Variants in ATP10A observed in about 807,000 individuals in gnomAD.
The protein encoded by ATP10A is ATPase phospholipid transporting 10A (putative), also known as phospholipid-transporting ATPase VA.
ATP10A carries 111 observed loss-of-function variants against 147.8 expected under a neutral mutation model. The ratio of observed to expected loss-of-function variants is 0.75; its 90% CI spans 0.64 to 0.88. The LOEUF is 0.88. Among genes scored for constraint, ATP10A ranks in the 40% least tolerant of loss-of-function variants. The pLI, the probability that ATP10A is intolerant of heterozygous loss-of-function variation, is 0.00. For missense variants in ATP10A, 1,927 were observed against 1,959.0 expected, an observed-to-expected ratio of 0.98 and a Z score of 0.31; for synonymous variants, 875 against 841.6, an observed-to-expected ratio of 1.04 and a Z score of -0.69.
chr15:25,702,798 G>A (rs1900747877), intron 12 of ATP10A, among the ~76,000 whole-genome samples: 1 of 150,710 alleles, frequency 6.6e-6, no homozygotes, highest in African/African-American at 2.4e-5. Flanking sequence ...TGGTGAGATG[G>A]TTTCTGTCTT....
intron 13 of ATP10A, among the ~76,000 whole-genome samples, chr15:25,696,126 G>A (rs191618384): frequency 6.6e-4 from 101 of 152,320 alleles, no homozygotes; most frequent in African/African-American, 2.3e-3. Context: ...TCCGCAGACC[G>A]TGAGTCTGCT....
At chr15:25,736,005 T>A (rs1290481995) in intron 3 of ATP10A, 51 bp downstream of exon 3, 2 of 1,409,314 alleles carry the variant, frequency 1.4e-6, no homozygotes, top group South Asian at 1.2e-5. Flanking sequence ...AACACCTGCC[T>A]ATGTAGTTAT....
chr15:25,854,606 A>G (rs989787259), intron 1 of ATP10A, among the ~76,000 whole-genome samples: 1 of 152,260 alleles, frequency 6.6e-6, no homozygotes, highest in African/African-American at 2.4e-5. Flanking sequence ...AAGAAATAGT[A>G]AATCTGAAAG....
At chr15:25,833,762 C>T (rs1306532565) in intron 1 of ATP10A, among the ~76,000 whole-genome samples, 2 of 152,056 alleles carry the variant, frequency 1.3e-5, no homozygotes, top group East Asian at 3.9e-4. Flanking sequence ...GGACAGATCA[C>T]GAGATTGAGA....
chr15:25,724,349 C>T (rs1902421349), intron 5 of ATP10A, among the ~76,000 whole-genome samples: 1 of 152,184 alleles, frequency 6.6e-6, no homozygotes, highest in South Asian at 2.1e-4. Flanking sequence ...TAACACGCAT[C>T]TCACGAAATA....
At chr15:25,788,226 C>T (rs555339231) in intron 1 of ATP10A, among the ~76,000 whole-genome samples, 21 of 152,318 alleles carry the variant, frequency 1.4e-4, no homozygotes, top group African/African-American at 3.6e-4. Flanking sequence ...CAATAATTAA[C>T]GAGGGTGCTT....
rs1017233828 is a variant in ATP10A, at chr15:25,862,935, C to A, written c.162G>T (p.Gly54=). 2 of 1,582,312 alleles carry A rather than the reference C, an allele frequency of 1.3e-6. No individual in the cohort carries two copies. Among genetic ancestry groups the A allele is most frequent in the South Asian group, 1.1e-5 (1 of 87,702 alleles). The change falls in exon 1 of 21, where the codon GGG becomes GGT. Residue 54 remains glycine, a synonymous_variant. Coordinates refer to ENST00000555815, the MANE Select transcript of ATP10A (RefSeq NM_024490.4). The stretch of plus-strand genomic sequence containing the variant: ...GGTTGTCGGCCAGGTGCTGGGCACA[C>A]CCGCGCCGCCGTCGCCGCTCGCCCT... ...AAKGERRRRR[G]CAQHLADNRL... is the part of the protein sequence containing the mutation.
chr15:25,687,529 G>A (rs1325255964), intron 16 of ATP10A, among the ~76,000 whole-genome samples, 174 bp downstream of exon 16: 2 of 151,762 alleles, frequency 1.3e-5, no homozygotes, highest in Non-Finnish European at 2.9e-5. Flanking sequence ...TAGACTCTGA[G>A]CCTACAGAGT....
chr15:25,752,875 C>T lies in ATP10A; in HGVS notation c.655-16734G>A, dbSNP rs1451463406. On this transcript the variant is annotated intron_variant, in intron 2 of 20. Coordinates refer to ENST00000555815, the MANE Select transcript of ATP10A (RefSeq NM_024490.4). ...TAGTTTTCAGTATATGTGTCTTTCA[C>T]CTCCTTGCTTAAATTTCTTCCAGGT... is the stretch of plus-strand genomic sequence containing the variant. 3.9e-5 allele frequency among the ~76,000 whole-genome samples: 6 copies of T among 152,030 alleles called. No individual in the cohort carries two copies. In the South Asian group the frequency reaches 1.0e-3, roughly 26 times the overall value.
At chr15:25,700,199 T>C in intron 13 of ATP10A, among the ~76,000 whole-genome samples, 1 of 152,054 alleles carries the variant, frequency 6.6e-6, no homozygotes, top group East Asian at 1.9e-4. Context: ...TACACACCCA[T>C]TAGAGGGGCT....
intron 1 of ATP10A, among the ~76,000 whole-genome samples, chr15:25,805,246 C>T (rs1163589752): frequency 2.6e-5 from 4 of 152,354 alleles, no homozygotes; most frequent in East Asian, 1.9e-4. Flanking sequence ...CAGGAGCCCA[C>T]GCTGGTCTGT....
At chr15:25,722,057 A>G (rs1902272527) in intron 6 of ATP10A, 148 bp from the exon 7 acceptor site, 2 of 857,786 alleles carry the variant, frequency 2.3e-6, no homozygotes, top group Admixed American at 5.5e-5. Flanking sequence ...AGGTTGGTTT[A>G]GAGTCAGTAT....
chr15:25,701,811 T>A, intron 13 of ATP10A, 105 bp downstream of exon 13: 1 of 1,140,690 alleles, frequency 8.8e-7, no homozygotes, highest in South Asian at 1.6e-5. Flanking sequence ...GAGGGTGAGG[T>A]CCTTCTAACA....
At chr15:25,778,716 C>A (rs1447934336) in intron 2 of ATP10A, among the ~76,000 whole-genome samples, 2 of 152,098 alleles carry the variant, frequency 1.3e-5, no homozygotes, top group Non-Finnish European at 2.9e-5. Context: ...CTGCAGCCGT[C>A]CTCGAGTTTC....
rs950609153 is a variant in ATP10A, at chr15:25,829,453, T to A, written c.449+33195A>T. 2.6e-5 allele frequency among the ~76,000 whole-genome samples: 4 copies of A among 152,202 alleles called. No individual in the cohort carries two copies. In the South Asian group the frequency reaches 6.2e-4, roughly 24 times the overall value. On this transcript the variant is annotated intron_variant, in intron 1 of 20. Transcript: ENST00000555815. ...TATTGAGTGTTGATGTTATTTGTTCTTTCAAAAAAATTTTTTTTTCTTGAG... is the reference window on the plus strand; with the variant it reads ...TATTGAGTGTTGATGTTATTTGTTCATTCAAAAAAATTTTTTTTTCTTGAG...
chr15:25,847,223 A>ATG (rs1893060450), intron 1 of ATP10A, among the ~76,000 whole-genome samples: 3 of 112,018 alleles, frequency 2.7e-5, no homozygotes. Flanking sequence ...ACTGAGCAGC[A>ATG]CGCGCAGGCA....
intron 3 of ATP10A, among the ~76,000 whole-genome samples, chr15:25,732,396 C>A (rs1347920245): frequency 6.6e-6 from 1 of 151,844 alleles, no homozygotes; most frequent in Non-Finnish European, 1.5e-5. Flanking sequence ...CCTCCACACC[C>A]AGCTAACGAG....
intron 2 of ATP10A, among the ~76,000 whole-genome samples, chr15:25,769,550 G>A (rs1449065741): frequency 1.4e-5 from 2 of 140,770 alleles, no homozygotes; most frequent in Non-Finnish European, 3.1e-5. Flanking sequence ...CAGCTTCCTA[G>A]AACACTGCAG....
At position 25,702,003 on chromosome 15, in the gene ATP10A, G is replaced by A; in HGVS notation, c.2673C>T (p.Asp891=). The A allele has an allele frequency of 6.2e-7, 1 of 1,614,188 alleles. No homozygotes were observed. The highest frequency in any genetic ancestry group is 8.5e-7 in the Non-Finnish European group (1 of 1,180,024). ...CAATGTTGACAGCTGTTTCTTGTTT[G>A]TCACCAGTGAGAACCCAAATCTGCA... The part of the protein sequence containing the change: ...AGLQIWVLTG[D]KQETAVNIAY... Residue 891 remains aspartate, a synonymous_variant, in exon 13 of 21, where the codon GAC becomes GAT. Coordinates refer to ENST00000555815, the MANE Select transcript of ATP10A (RefSeq NM_024490.4).
Sources: allele counts gnomAD v4.1 joint callset (sites outside exome capture counted in the v4.1 genomes callset), GRCh38; gene constraint gnomAD v4.1.1; transcripts MANE v1.5; gene names NCBI Gene and HGNC (gene_info 2026-07-23, HGNC 2026-07-21).